PDZRN3: variants seen among roughly 807,000 people sequenced by gnomAD.
PDZRN3 encodes the protein E3 ubiquitin-protein ligase PDZRN3.
In PDZRN3, 38 loss-of-function variants were observed where a neutral mutation model predicts 85.7. The observed-to-expected ratio is 0.44, with a 90% CI of 0.34 to 0.58. The LOEUF is 0.58. Among genes scored for constraint, PDZRN3 ranks in the 20% least tolerant of loss-of-function variants. PDZRN3 has a pLI of 0.01. For synonymous variants in PDZRN3, 759 were observed against 638.0 expected (o/e 1.19, Z -2.86); for missense variants, 1,629 against 1,506.4 (o/e 1.08, Z -1.35).
intron 3 of PDZRN3, among the ~76,000 whole-genome samples, chr3:73,528,256 G>T: frequency 6.6e-6 from 1 of 152,220 alleles, no homozygotes; most frequent in East Asian, 1.9e-4. Context: ...TAACTGGTGT[G>T]CCAGGAAGGC....
chr3:73,502,721 A>G (rs1209210211), intron 3 of PDZRN3, among the ~76,000 whole-genome samples: 1 of 152,234 alleles, frequency 6.6e-6, no homozygotes, highest in East Asian at 1.9e-4. Context: ...AGGATGTTAA[A>G]TGGTCAGATG....
At chr3:73,488,084 G>C (rs886435687) in intron 3 of PDZRN3, among the ~76,000 whole-genome samples, 8 of 149,614 alleles carry the variant, frequency 5.3e-5, no homozygotes, top group African/African-American at 2.0e-4. Context: ...AAAGTGTTCT[G>C]AGTTTTAAAT....
intron 1 of PDZRN3, among the ~76,000 whole-genome samples, chr3:73,609,282 A>T (rs1226026061): frequency 6.6e-6 from 1 of 152,204 alleles, no homozygotes; most frequent in East Asian, 1.9e-4. Context: ...AATCCACACG[A>T]GACGCAGAGC....
chr3:73,450,969 A>C (rs1575662725), intron 3 of PDZRN3, among the ~76,000 whole-genome samples: 1 of 151,592 alleles, frequency 6.6e-6, no homozygotes, highest in Admixed American at 6.6e-5. Flanking sequence ...TTTCACCCAC[A>C]CCCACCTCTA....
intron 2 of PDZRN3, among the ~76,000 whole-genome samples, chr3:73,603,661 C>A (rs1281645684): frequency 1.3e-5 from 2 of 152,072 alleles, no homozygotes; most frequent in Non-Finnish European, 1.5e-5. Flanking sequence ...CATAAAAATT[C>A]CATTTGTTAA....
intron 8 of PDZRN3, among the ~76,000 whole-genome samples, chr3:73,387,627 C>A (rs1365810974): frequency 6.6e-6 from 1 of 152,172 alleles, no homozygotes; most frequent in South Asian, 2.1e-4. Context: ...ATGAAACCTG[C>A]ACAGATCAAG....
intron 3 of PDZRN3, among the ~76,000 whole-genome samples, chr3:73,426,552 A>G (rs974224751): frequency 1.3e-5 from 2 of 152,188 alleles, no homozygotes; most frequent in Admixed American, 6.5e-5. Context: ...AGATGGCTAA[A>G]TTTTTGATCC....
chr3:73,580,301 TG>T (rs1702179882), intron 3 of PDZRN3, among the ~76,000 whole-genome samples: 1 of 152,226 alleles, frequency 6.6e-6, no homozygotes, highest in Admixed American at 6.5e-5. Flanking sequence ...GTAAATTTTT[TG>T]GCATGAAGAT....
intron 3 of PDZRN3, among the ~76,000 whole-genome samples, chr3:73,475,365 C>G (rs948366979): frequency 6.6e-6 from 1 of 152,140 alleles, no homozygotes; most frequent in African/African-American, 2.4e-5. Context: ...GACCTGAAAC[C>G]TTTCTACTTT....
In PDZRN3 at chr3:73,382,755, A is replaced by ACACT. The variant is rs1703262413; in HGVS notation, c.*606_*609dup. 3 of 152,688 alleles carry ACACT rather than the reference A, an allele frequency of 2.0e-5. No homozygotes were observed. The South Asian group carries it at 6.2e-4, about 32-fold the overall frequency. 9.5% of individuals were successfully genotyped at this position (152,688 alleles called of 1,614,324 possible). A position where few individuals can be genotyped will look rare whatever the true frequency, so the allele number is the denominator to read the frequency against. On this transcript the variant is annotated 3_prime_UTR_variant, in exon 10 of 10. Transcript: ENST00000263666. ...TATTTTGCTTTCTGCTAAAACCTTT[A>ACACT]CACTCTCTTGGGAACCTTAACCAGG...
chr3:73,491,593 C>CTTTT (rs1429977645), intron 3 of PDZRN3, among the ~76,000 whole-genome samples: 30 of 132,832 alleles, frequency 2.3e-4, no homozygotes, highest in Non-Finnish European at 4.3e-4. Flanking sequence ...TGGAAGGTTC[C>CTTTT]TTTTTTTTTT....
At position 73,520,373 on chromosome 3, in the gene PDZRN3, G is replaced by A. The variant is rs112652590; in HGVS notation, c.918+81981C>T. On this transcript the variant is annotated intron_variant, in intron 3 of 9. Transcript: ENST00000263666. The stretch of plus-strand genomic sequence containing the variant: ...TGAAAAAATAGCTGGGTGTGGTGGC[G>A]TGTGCCTGTGGTCCCAGCAACTTTG... Among the ~76,000 whole-genome samples, 1,470 of 152,152 alleles carry A rather than the reference G, an allele frequency of 9.7e-3. 23 individuals carry two copies. The highest frequency in any genetic ancestry group is 0.033 in the African/African-American group (1,359 of 41,504).
intron 3 of PDZRN3, among the ~76,000 whole-genome samples, chr3:73,459,609 G>T (rs1209045219): frequency 3.3e-5 from 5 of 152,200 alleles, no homozygotes; most frequent in Non-Finnish European, 5.9e-5. Flanking sequence ...GTGGTATTTG[G>T]TTTTTTTGTT....
At chr3:73,551,019 C>A (rs1701539654) in intron 3 of PDZRN3, among the ~76,000 whole-genome samples, 1 of 152,164 alleles carries the variant, frequency 6.6e-6, no homozygotes, top group Admixed American at 6.5e-5. Flanking sequence ...TCAGGGAACA[C>A]CTTGTGTTTG....
chr3:73,497,573 A>AT (rs1303447629), intron 3 of PDZRN3, among the ~76,000 whole-genome samples: 30 of 152,254 alleles, frequency 2.0e-4, no homozygotes, highest in Non-Finnish European at 3.5e-4. Context: ...CCATTGTAAA[A>AT]TTTTTTTTAT....
At chr3:73,502,849 T>C (rs1375314296) in intron 3 of PDZRN3, among the ~76,000 whole-genome samples, 1 of 152,178 alleles carries the variant, frequency 6.6e-6, no homozygotes, top group African/African-American at 2.4e-5. Context: ...TTGAAACGAA[T>C]GATCAAGACG....
chr3:73,385,106 A>G (rs545885336), intron 9 of PDZRN3, among the ~76,000 whole-genome samples, 176 bp from the exon 10 acceptor site: 4 of 152,344 alleles, frequency 2.6e-5, no homozygotes, highest in South Asian at 4.1e-4. Context: ...ACCTACCCGT[A>G]TCTACCTGGG....
At chr3:73,448,584 A>C (rs1702796623) in intron 3 of PDZRN3, among the ~76,000 whole-genome samples, 1 of 152,134 alleles carries the variant, frequency 6.6e-6, no homozygotes, top group South Asian at 2.1e-4. Context: ...CACTAATCTC[A>C]ATCTTGTTTT....
At chr3:73,543,424 A>G (rs1488264939) in intron 3 of PDZRN3, among the ~76,000 whole-genome samples, 1 of 152,234 alleles carries the variant, frequency 6.6e-6, no homozygotes, top group Non-Finnish European at 1.5e-5. Flanking sequence ...GGCAAAATTG[A>G]GTCTTAACAT....
Sources: gnomAD v4.1 joint callset for allele counts (sites outside exome capture counted in the v4.1 genomes callset) on GRCh38, gnomAD v4.1.1 for gene constraint, MANE v1.5 for transcripts, NCBI Gene and HGNC (gene_info 2026-07-23, HGNC 2026-07-21) for gene names.